Variants in FRMD5 observed in about 807,000 individuals in gnomAD.
FRMD5 encodes FERM domain-containing protein 5.
In FRMD5, 20 loss-of-function variants were observed where a neutral mutation model predicts 69.0. The ratio of observed to expected loss-of-function variants is 0.29; its 90% CI spans 0.20 to 0.42. The LOEUF is 0.42. Ranked by LOEUF, FRMD5 falls within the 10% of genes least tolerant of loss-of-function variation. The probability of loss-of-function intolerance (pLI) is 1.00; values close to 1 mark genes in which losing one functional copy is unlikely to be tolerated. For synonymous variants in FRMD5, 271 were observed against 260.1 expected, an observed-to-expected ratio of 1.04 and a Z score of -0.40; for missense variants, 595 against 708.6, an observed-to-expected ratio of 0.84 and a Z score of 1.82.
intron 1 of FRMD5, among the ~76,000 whole-genome samples, chr15:44,076,057 G>A (rs1893748421): frequency 6.6e-6 from 1 of 152,030 alleles, no homozygotes; most frequent in Non-Finnish European, 1.5e-5. Flanking sequence ...TGTAGATTCT[G>A]GATATTAGCC....
rs553219257 is a variant in FRMD5 at position 44,073,059 on chromosome 15, G to C, written c.102+121894C>G. On this transcript the variant is annotated intron_variant, in intron 1 of 13. Coordinates refer to ENST00000417257, the MANE Select transcript of FRMD5 (RefSeq NM_032892.5). Reference sequence around the variant, plus strand: ...TGAGGCAGGAGGGTTGCCAGAGCCTGGGAGTTAAAGGTTAGAGTGAGCTAT... The same window carrying C: ...TGAGGCAGGAGGGTTGCCAGAGCCTCGGAGTTAAAGGTTAGAGTGAGCTAT... Among the ~76,000 whole-genome samples the C allele has an allele frequency of 3.9e-5, 6 of 152,254 alleles. No individual in the cohort carries two copies. The East Asian group carries it at 1.2e-3, about 29-fold the overall frequency.
intron 1 of FRMD5, among the ~76,000 whole-genome samples, chr15:44,151,510 T>C (rs2077447324): frequency 6.6e-6 from 1 of 151,530 alleles, no homozygotes; most frequent in Non-Finnish European, 1.5e-5. Flanking sequence ...AACAATTCAA[T>C]ATATAATTGC....
chr15:44,197,081 G>A (rs2078315132), upstream of FRMD5, among the ~76,000 whole-genome samples: 1 of 152,014 alleles, frequency 6.6e-6, no homozygotes, highest in South Asian at 2.1e-4. Flanking sequence ...TGCGCCCGTG[G>A]TCCCAGCTAC....
At chr15:44,016,881 T>C (rs1279377396) in intron 1 of FRMD5, among the ~76,000 whole-genome samples, 1 of 150,888 alleles carries the variant, frequency 6.6e-6, no homozygotes. Context: ...GTTTTGCAGG[T>C]TGGAATGCAG....
intron 1 of FRMD5, among the ~76,000 whole-genome samples, chr15:44,018,604 G>A (rs1891073760): frequency 6.6e-6 from 1 of 152,188 alleles, no homozygotes; most frequent in Non-Finnish European, 1.5e-5. Flanking sequence ...ACAGGTCTGT[G>A]GCTGCACCCC....
chr15:43,900,689 C>A (rs1434656173), intron 7 of FRMD5, among the ~76,000 whole-genome samples: 1 of 151,268 alleles, frequency 6.6e-6, no homozygotes, highest in Admixed American at 6.6e-5. Context: ...ATGATCTCAG[C>A]TCACTGCAAC....
At chr15:43,941,780 C>T (rs1315927231) in intron 1 of FRMD5, among the ~76,000 whole-genome samples, 1 of 152,134 alleles carries the variant, frequency 6.6e-6, no homozygotes, top group Non-Finnish European at 1.5e-5. Context: ...CCTGTGAGCT[C>T]AGCTGCACCT....
chr15:43,948,645 C>T (rs984849247), intron 1 of FRMD5, among the ~76,000 whole-genome samples: 1 of 152,138 alleles, frequency 6.6e-6, no homozygotes, highest in African/African-American at 2.4e-5. Context: ...TAAATACACA[C>T]ACATACCAAT....
chr15:43,999,489 G>A (rs1890083809), intron 1 of FRMD5, among the ~76,000 whole-genome samples: 1 of 152,038 alleles, frequency 6.6e-6, no homozygotes, highest in African/African-American at 2.4e-5. Context: ...TTTTTTCCTA[G>A]TATGCAATTC....
chr15:44,070,055 A>G (rs1347442850), intron 1 of FRMD5, among the ~76,000 whole-genome samples: 1 of 152,170 alleles, frequency 6.6e-6, no homozygotes, highest in Non-Finnish European at 1.5e-5. Flanking sequence ...GTAATTTAAT[A>G]TTACTTCTAC....
chr15:44,008,776 C>T (rs1204335067), intron 1 of FRMD5, among the ~76,000 whole-genome samples: 4 of 152,050 alleles, frequency 2.6e-5, no homozygotes, highest in Non-Finnish European at 5.9e-5. Context: ...CCTGTAATCC[C>T]AGCACTTTGG....
At chr15:44,070,525 A>G (rs1486845421) in intron 1 of FRMD5, among the ~76,000 whole-genome samples, 1 of 152,178 alleles carries the variant, frequency 6.6e-6, no homozygotes, top group African/African-American at 2.4e-5. Context: ...CCAGATTTGA[A>G]TCTCACCTCA....
intron 4 of FRMD5, among the ~76,000 whole-genome samples, chr15:43,912,758 C>A (rs933298300): frequency 6.6e-6 from 1 of 151,428 alleles, no homozygotes; most frequent in African/African-American, 2.4e-5. Flanking sequence ...TGGCTCACGC[C>A]TGTAATCCCA....
At chr15:44,182,324 CTTTTTTTTT>C (rs71111843) in intron 1 of FRMD5, among the ~76,000 whole-genome samples, 1 of 85,674 alleles carries the variant, frequency 1.2e-5, no homozygotes. Flanking sequence ...CATTGCTTTT[CTTTTTTTTT>C]TTTTTTTTTT....
chr15:43,911,489 C>G (rs569131835), intron 4 of FRMD5, among the ~76,000 whole-genome samples: 1 of 152,288 alleles, frequency 6.6e-6, no homozygotes, highest in Non-Finnish European at 1.5e-5. Context: ...ATTTGAATGA[C>G]CCATCATGGA....
At chr15:43,927,554 G>T (rs1212236895) in intron 1 of FRMD5, among the ~76,000 whole-genome samples, 9 of 152,172 alleles carry the variant, frequency 5.9e-5, no homozygotes, top group Middle Eastern at 3.2e-3. Context: ...AGGTATTTCA[G>T]GTTCTCTGGG....
At chr15:44,059,818 G>T (rs1893018984) in intron 1 of FRMD5, among the ~76,000 whole-genome samples, 2 of 152,216 alleles carry the variant, frequency 1.3e-5, no homozygotes, top group African/African-American at 2.4e-5. Context: ...CCCAGCTAGG[G>T]TCACTATATT....
In FRMD5 at chr15:44,164,382, AT is replaced by A. The variant is rs556173304; in HGVS notation, c.102+30570del. On this transcript the variant is annotated intron_variant, in intron 1 of 13. Coordinates refer to ENST00000417257, the MANE Select transcript of FRMD5 (RefSeq NM_032892.5). ...TTACCATGTTCACATATTATTGGTC[AT>A]TTTTTTTTTGCAGATGCACTATTCT... Among the ~76,000 whole-genome samples the A allele has an allele frequency of 2.6e-3, 393 of 149,130 alleles. 2 individuals are homozygous for A. Among genetic ancestry groups the A allele is most frequent in the African/African-American group, 8.8e-3 (357 of 40,798 alleles).
At chr15:44,159,867 T>C (rs2077585848) in intron 1 of FRMD5, among the ~76,000 whole-genome samples, 1 of 152,180 alleles carries the variant, frequency 6.6e-6, no homozygotes, top group Admixed American at 6.5e-5. Flanking sequence ...AATCCAGCAC[T>C]ATCACCCAGA....
Sources: allele counts gnomAD v4.1 joint callset (sites outside exome capture counted in the v4.1 genomes callset), GRCh38; gene constraint gnomAD v4.1.1; transcripts MANE v1.5; gene names NCBI Gene and HGNC (gene_info 2026-07-23, HGNC 2026-07-21).